APPL2: variants seen among roughly 807,000 people sequenced by gnomAD.
APPL2 encodes adaptor protein, phosphotyrosine interacting with PH domain and leucine zipper 2, also known as DCC-interacting protein 13-beta.
In APPL2, 84 loss-of-function variants were observed where a neutral mutation model predicts 92.7. That is an observed-to-expected ratio of 0.91 (90% confidence interval 0.76 to 1.09). APPL2 has a LOEUF of 1.09. Among genes scored for constraint, APPL2 ranks in the 50% least tolerant of loss-of-function variants. The pLI is 0.00. For missense variants in APPL2, 736 were observed against 824.5 expected, an observed-to-expected ratio of 0.89 and a Z score of 1.31; for synonymous variants, 291 against 291.0, an observed-to-expected ratio of 1.00 and a Z score of 0.00.
At chr12:105,205,151 A>C (rs1306064494) in intron 8 of APPL2, among the ~76,000 whole-genome samples, 5 of 152,212 alleles carry the variant, frequency 3.3e-5, no homozygotes, top group African/African-American at 1.2e-4. Flanking sequence ...CTGATTGCCA[A>C]GGTCGGATGA....
At chr12:105,194,822 C>T (rs927642166) in intron 14 of APPL2, among the ~76,000 whole-genome samples, 30 of 149,904 alleles carry the variant, frequency 2.0e-4, no homozygotes, top group African/African-American at 6.4e-4. Flanking sequence ...AATAAATGTA[C>T]ATATAAAACT....
intron 1 of APPL2, chr12:105,233,320 T>C (rs141021146): frequency 4.1e-6 from 4 of 985,480 alleles, no homozygotes; most frequent in Non-Finnish European, 4.8e-6. Context: ...TGGAGGCAGA[T>C]TTCTTAATCC....
chr12:105,193,896 C>T (rs1887431756), intron 14 of APPL2, among the ~76,000 whole-genome samples: 1 of 152,162 alleles, frequency 6.6e-6, no homozygotes, highest in South Asian at 2.1e-4. Context: ...CCCATTTTCT[C>T]AAAACCTTCC....
chr12:105,178,912 G>A (rs1885818880), intron 17 of APPL2, among the ~76,000 whole-genome samples: 2 of 152,178 alleles, frequency 1.3e-5, no homozygotes. Flanking sequence ...TCCCTTATAA[G>A]TGAAAACTTA....
chr12:105,230,836 G>A (rs961016941), intron 1 of APPL2, among the ~76,000 whole-genome samples: 2 of 152,170 alleles, frequency 1.3e-5, no homozygotes, highest in Non-Finnish European at 2.9e-5. Context: ...CTTATCCATA[G>A]AAGAGCCACT....
At chr12:105,232,221 AG>A (rs1386493236) in intron 1 of APPL2, among the ~76,000 whole-genome samples, 2 of 152,244 alleles carry the variant, frequency 1.3e-5, no homozygotes, top group Non-Finnish European at 1.5e-5. Context: ...TAGCAGATTC[AG>A]GAGTGGAATT....
chr12:105,218,600 G>A (rs1156232502), intron 2 of APPL2, among the ~76,000 whole-genome samples: 1 of 152,226 alleles, frequency 6.6e-6, no homozygotes, highest in Admixed American at 6.5e-5. Context: ...GCTCTGAAGT[G>A]GAGCGTGGCT....
At chr12:105,191,845 G>A (rs79661788) in intron 14 of APPL2, among the ~76,000 whole-genome samples, 8,469 of 152,136 alleles carry the variant, frequency 0.056, 797 homozygotes, top group African/African-American at 0.19. Context: ...GTCTTTGGCA[G>A]GCTCCTTTTC....
At chr12:105,233,379 T>C (rs184619536) in intron 1 of APPL2, 186 of 985,488 alleles carry the variant, frequency 1.9e-4, no homozygotes, top group Admixed American at 5.5e-4. Flanking sequence ...AAATAACGCA[T>C]GTGTATGCAC....
chr12:105,196,602 C>T (rs538961877), intron 11 of APPL2, among the ~76,000 whole-genome samples: 6 of 151,734 alleles, frequency 4.0e-5, no homozygotes, highest in Admixed American at 2.6e-4. Context: ...CTAACGTGCC[C>T]GGCCAATTTT....
At chr12:105,177,425 T>A in intron 17 of APPL2, 163 bp from the exon 18 acceptor site, 1 of 674,480 alleles carries the variant, frequency 1.5e-6, no homozygotes, top group Non-Finnish European at 2.5e-6. Flanking sequence ...TCCTGCTTTC[T>A]GCCTTTAAGG....
chr12:105,183,863 G>C (rs1280707637), intron 17 of APPL2, among the ~76,000 whole-genome samples: 1 of 152,120 alleles, frequency 6.6e-6, no homozygotes, highest in Admixed American at 6.5e-5. Context: ...TTCTAACTTG[G>C]TTCCATTCTC....
chr12:105,206,227 T>C (rs1888688668), intron 8 of APPL2, among the ~76,000 whole-genome samples: 1 of 152,234 alleles, frequency 6.6e-6, no homozygotes, highest in Admixed American at 6.5e-5. Flanking sequence ...AAATGTATTA[T>C]AGAAGTATTA....
chr12:105,226,521 A>G (rs1017178823), intron 2 of APPL2, among the ~76,000 whole-genome samples: 14 of 152,376 alleles, frequency 9.2e-5, no homozygotes, highest in African/African-American at 2.9e-4. Flanking sequence ...AAAAAAATGC[A>G]TGAGACAGCG....
intron 4 of APPL2, among the ~76,000 whole-genome samples, chr12:105,212,805 G>A (rs573017210): frequency 2.4e-4 from 36 of 152,314 alleles, no homozygotes; most frequent in African/African-American, 7.2e-4. Flanking sequence ...CTGGTCCTTC[G>A]AGGCTGTGGC....
chr12:105,211,744 C>T (rs1180319283), intron 4 of APPL2, among the ~76,000 whole-genome samples: 2 of 152,308 alleles, frequency 1.3e-5, no homozygotes, highest in Middle Eastern at 3.4e-3. Context: ...GCTGAAGCCA[C>T]GCCTGAAAGA....
intron 4 of APPL2, among the ~76,000 whole-genome samples, chr12:105,213,120 A>C (rs1393600429): frequency 6.6e-6 from 1 of 152,234 alleles, no homozygotes; most frequent in Non-Finnish European, 1.5e-5. Flanking sequence ...TAGCCCAATT[A>C]AGTGGGCCTT....
intron 1 of APPL2, 55 bp downstream of exon 1, chr12:105,235,904 G>A: frequency 8.2e-7 from 1 of 1,218,340 alleles, no homozygotes; most frequent in Non-Finnish European, 1.0e-6. Flanking sequence ...GGGGCTGGAG[G>A]GGCCTCCTCG....
intron 4 of APPL2, among the ~76,000 whole-genome samples, chr12:105,213,223 T>C (rs1237504623): frequency 6.6e-6 from 1 of 152,236 alleles, no homozygotes; most frequent in African/African-American, 2.4e-5. Context: ...ATTTCCCAGC[T>C]ACTCATTTTC....
Sources: gnomAD v4.1 joint callset for allele counts (sites outside exome capture counted in the v4.1 genomes callset) on GRCh38, gnomAD v4.1.1 for gene constraint, MANE v1.5 for transcripts, NCBI Gene and HGNC (gene_info 2026-07-23, HGNC 2026-07-21) for gene names.